NFATC3: variants seen among roughly 807,000 people sequenced by gnomAD.
NFATC3 encodes nuclear factor of activated T cells 3.
Under a neutral mutation model 98.6 loss-of-function variants are expected in NFATC3, and 46 were observed. The ratio of observed to expected loss-of-function variants is 0.47; its 90% CI spans 0.37 to 0.60. The LOEUF is 0.60. NFATC3 is among the 20% of genes least tolerant of loss of function. The pLI is 0.00. For synonymous variants in NFATC3, 512 were observed against 472.2 expected, an observed-to-expected ratio of 1.08 and a Z score of -1.09; for missense variants, 1,256 against 1,295.5, an observed-to-expected ratio of 0.97 and a Z score of 0.47.
chr16:68,129,989 T>C (rs2037036730), intron 3 of NFATC3, among the ~76,000 whole-genome samples: 4 of 152,110 alleles, frequency 2.6e-5, no homozygotes, highest in Admixed American at 2.6e-4. Context: ...ATTTCTCTCT[T>C]TTCTTGTGGT....
intron 3 of NFATC3, among the ~76,000 whole-genome samples, chr16:68,150,628 A>T (rs2038269160): frequency 6.6e-6 from 1 of 152,180 alleles, no homozygotes; most frequent in Non-Finnish European, 1.5e-5. Context: ...TTTTAAGAAT[A>T]TCAGTTATAA....
chr16:68,210,063 C>A (rs147356036), intron 9 of NFATC3, among the ~76,000 whole-genome samples: 5,767 of 151,854 alleles, frequency 0.038, 119 homozygotes, highest in Middle Eastern at 0.15. Context: ...TTTGGGAGGC[C>A]GAGGTGGGCG....
intron 5 of NFATC3, among the ~76,000 whole-genome samples, chr16:68,169,131 A>G (rs182914966): frequency 1.3e-5 from 2 of 152,198 alleles, no homozygotes; most frequent in Non-Finnish European, 2.9e-5. Flanking sequence ...TACAAAATTC[A>G]GAAATATAGA....
chr16:68,183,467 T>C, intron 8 of NFATC3, 101 bp downstream of exon 8: 5 of 1,343,022 alleles, frequency 3.7e-6, no homozygotes, highest in Non-Finnish European at 4.0e-6. Flanking sequence ...AGAGTGCTTA[T>C]AAACAATGAA....
chr16:68,095,696 G>C (rs1243721100), intron 1 of NFATC3, among the ~76,000 whole-genome samples: 1 of 152,132 alleles, frequency 6.6e-6, no homozygotes, highest in Non-Finnish European at 1.5e-5. Flanking sequence ...TTGTTATGCA[G>C]TTACTTTCTC....
At chr16:68,214,349 G>C (rs750533584) in intron 9 of NFATC3, 1 of 1,614,162 alleles carries the variant, frequency 6.2e-7, no homozygotes, top group Admixed American at 1.7e-5. Context: ...ATCTGACTTG[G>C]AACACCAGCC....
At chr16:68,162,050 G>A (rs1347137344) in intron 4 of NFATC3, among the ~76,000 whole-genome samples, 1 of 152,256 alleles carries the variant, frequency 6.6e-6, no homozygotes, top group South Asian at 2.1e-4. Context: ...CCAGGCTGCA[G>A]AAATACCACT....
Position 68,167,810 on chromosome 16 carries a change from C to CTTTTTTTTTTTTT in NFATC3, c.1774+822_1774+834dup. Among the ~76,000 whole-genome samples, 96 of 23,914 alleles carry CTTTTTTTTTTTTT rather than the reference C, an allele frequency of 4.0e-3. 31 individuals are homozygous for CTTTTTTTTTTTTT. The highest frequency in any genetic ancestry group is 6.1e-3 in the Non-Finnish European group (57 of 9,304). The allele number at this position is 23,914 out of a possible 152,430, so 15.7% of individuals were successfully genotyped here. A position where few individuals can be genotyped will look rare whatever the true frequency, so the allele number is the denominator to read the frequency against. On this transcript the variant is annotated intron_variant, in intron 5 of 9. Transcript: ENST00000346183. ...TTTATATCTGTTAACCGTATGTGTT[C>CTTTTTTTTTTTTT]TTTTTTTTTTTTTTTTTTTTTTTTT...
chr16:68,191,705 T>C lies in NFATC3; in HGVS notation c.3036T>C (p.Ile1012=), dbSNP rs771666402. 9 of 1,614,032 alleles carry C rather than the reference T, an allele frequency of 5.6e-6. No homozygotes were observed. Among genetic ancestry groups the C allele is most frequent in the Non-Finnish European group, 7.6e-6 (9 of 1,180,036 alleles). Residue 1012 remains isoleucine, a synonymous_variant, in exon 9 of 10, where the codon ATT becomes ATC. Coordinates refer to ENST00000346183, the MANE Select transcript of NFATC3 (RefSeq NM_173165.3). ...CACCTGATGGGGCAACTGTGAGCATTAAACCTGAACCAGAAGATCGAGAGC... is the reference window on the plus strand; with the variant it reads ...CACCTGATGGGGCAACTGTGAGCATCAAACCTGAACCAGAAGATCGAGAGC... ...SFPPDGATVS[I]KPEPEDREPN...
chr16:68,110,332 G>T (rs549383716), intron 1 of NFATC3, among the ~76,000 whole-genome samples: 2 of 135,722 alleles, frequency 1.5e-5, no homozygotes, highest in Non-Finnish European at 3.1e-5. Flanking sequence ...TTTTCGAGAC[G>T]AAGTCTCGCT....
At chr16:68,150,881 T>TAGAA (rs2038283403) in intron 3 of NFATC3, among the ~76,000 whole-genome samples, 1 of 152,134 alleles carries the variant, frequency 6.6e-6, no homozygotes, top group African/African-American at 2.4e-5. Context: ...GTATTCATTC[T>TAGAA]CCCTCCTGCC....
At chr16:68,165,594 C>T (rs1179617843) in intron 4 of NFATC3, among the ~76,000 whole-genome samples, 1 of 152,048 alleles carries the variant, frequency 6.6e-6, no homozygotes, top group African/African-American at 2.4e-5. Context: ...CAGGGTTTCA[C>T]TGTGTTGGCT....
rs773347930 is a variant in NFATC3 at position 68,181,484 on chromosome 16, C to G, written c.1925C>G (p.Pro642Arg). The change falls in exon 7 of 10, where the codon CCT becomes CGT. Residue 642 changes from proline to arginine, a missense_variant. Coordinates refer to ENST00000346183, the MANE Select transcript of NFATC3 (RefSeq NM_173165.3). ...CTCTTTCTTTCAATAGATGGACGACCTCAGTGGGAGGTAGAAGGGAAGATA... is the reference window on the plus strand; with the variant it reads ...CTCTTTCTTTCAATAGATGGACGACGTCAGTGGGAGGTAGAAGGGAAGATA... Reference protein sequence around the residue: ...IFLEKGQDGRPQWEVEGKIIR... With the variant: ...IFLEKGQDGRRQWEVEGKIIR... The G allele has an allele frequency of 7.4e-6, 12 of 1,611,232 alleles. No homozygotes were observed. The East Asian group carries it at 2.7e-4, about 36-fold the overall frequency.
intron 9 of NFATC3, chr16:68,212,783 C>G (rs2041462253): frequency 7.2e-6 from 1 of 139,544 alleles, no homozygotes; most frequent in Admixed American, 7.2e-5. Flanking sequence ...CTATTTCTTT[C>G]TCTTTTTTTT....
chr16:68,141,994 CAG>C (rs2037774411), intron 3 of NFATC3, among the ~76,000 whole-genome samples: 1 of 152,244 alleles, frequency 6.6e-6, no homozygotes, highest in East Asian at 1.9e-4. Context: ...TGGTGAGAGA[CAG>C]GGATCCAGTT....
At position 68,218,514 on chromosome 16, in the gene NFATC3, C is replaced by CAAAAAAAAAAAA. The variant is rs1326968858; in HGVS notation, c.3107-7828_3107-7817dup. 4.9e-3 allele frequency among the ~76,000 whole-genome samples: 290 copies of CAAAAAAAAAAAA among 59,418 alleles called. 4 individuals are homozygous for CAAAAAAAAAAAA. Among genetic ancestry groups the CAAAAAAAAAAAA allele is most frequent in the African/African-American group, 0.017 (275 of 16,030 alleles). 39.0% of individuals were successfully genotyped at this position (59,418 alleles called of 152,430 possible). A position where few individuals can be genotyped will look rare whatever the true frequency, so the allele number is the denominator to read the frequency against. ...CCTGGGCGACAGAATGAGAGCCTCT[C>CAAAAAAAAAAAA]AAAAAAAAAAAAAAAAAAAGGTGAA... On this transcript the variant is annotated intron_variant, in intron 9 of 9. Transcript: ENST00000346183.
At chr16:68,114,178 T>C (rs2036139897) in intron 1 of NFATC3, among the ~76,000 whole-genome samples, 1 of 152,168 alleles carries the variant, frequency 6.6e-6, no homozygotes, top group South Asian at 2.1e-4. Flanking sequence ...CCACCTCCCT[T>C]GGCTGGGTGT....
chr16:68,123,497 CAAAA>C (rs547564860), intron 2 of NFATC3, among the ~76,000 whole-genome samples: 1 of 73,850 alleles, frequency 1.4e-5, no homozygotes. Context: ...CCTGTCTCTA[CAAAA>C]AAAAAAAAAA....
At chr16:68,212,891 G>A (rs1266239527) in intron 9 of NFATC3, among the ~76,000 whole-genome samples, 8 of 140,250 alleles carry the variant, frequency 5.7e-5, no homozygotes, top group South Asian at 2.3e-4. Flanking sequence ...CCAGGTTCAC[G>A]CCATTCTTCT....
Sources: gnomAD v4.1 joint callset for allele counts (sites outside exome capture counted in the v4.1 genomes callset) on GRCh38, gnomAD v4.1.1 for gene constraint, MANE v1.5 for transcripts, NCBI Gene and HGNC (gene_info 2026-07-23, HGNC 2026-07-21) for gene names.